Variants in INPP5F observed in about 807,000 individuals in gnomAD.
INPP5F encodes phosphatidylinositide 4-phosphatase SAC2.
INPP5F carries 97 observed loss-of-function variants against 137.2 expected under a neutral mutation model. The observed-to-expected ratio is 0.71, with a 90% CI of 0.60 to 0.84. The LOEUF is 0.84. Ranked by LOEUF, INPP5F falls within the 40% of genes least tolerant of loss-of-function variation. The pLI is 0.00. For synonymous variants in INPP5F, 504 were observed against 476.9 expected, an observed-to-expected ratio of 1.06 and a Z score of -0.74; for missense variants, 1,271 against 1,371.9, an observed-to-expected ratio of 0.93 and a Z score of 1.16.
At chr10:119,821,734 C>G (rs1273354059) in intron 16 of INPP5F, among the ~76,000 whole-genome samples, 2 of 149,604 alleles carry the variant, frequency 1.3e-5, no homozygotes, top group Admixed American at 6.6e-5. Flanking sequence ...ATCTCTGCCT[C>G]CCTCCGTCTC....
At chr10:119,793,626 G>C (rs1203904072) in intron 6 of INPP5F, 1 of 152,198 alleles carries the variant, frequency 6.6e-6, no homozygotes, top group Admixed American at 6.5e-5. Flanking sequence ...GTCTGAAAGA[G>C]ACAGAAGAAG....
intron 2 of INPP5F, among the ~76,000 whole-genome samples, chr10:119,753,997 CTGTT>C (rs1349033766): frequency 6.6e-6 from 1 of 152,148 alleles, no homozygotes; most frequent in African/African-American, 2.4e-5. Flanking sequence ...TTGGCTTTCT[CTGTT>C]TGTGTGTATG....
At chr10:119,812,412 G>A (rs1398866556) in intron 15 of INPP5F, among the ~76,000 whole-genome samples, 1 of 148,212 alleles carries the variant, frequency 6.7e-6, no homozygotes, top group Non-Finnish European at 1.5e-5. Context: ...CCGGTTTCAA[G>A]TGGTTCTTCA....
intron 19 of INPP5F, among the ~76,000 whole-genome samples, chr10:119,824,787 A>G (rs938671547): frequency 1.3e-5 from 2 of 152,068 alleles, no homozygotes; most frequent in African/African-American, 4.8e-5. Flanking sequence ...CATTCCTTCT[A>G]CACTTGTTAA....
At chr10:119,737,911 T>G (rs1848261395) in intron 1 of INPP5F, among the ~76,000 whole-genome samples, 1 of 152,236 alleles carries the variant, frequency 6.6e-6, no homozygotes, top group African/African-American at 2.4e-5. Flanking sequence ...TTTTTTTTCT[T>G]TTAAGACACA....
chr10:119,790,344 T>G (rs946255615), intron 3 of INPP5F, among the ~76,000 whole-genome samples: 3 of 152,090 alleles, frequency 2.0e-5, no homozygotes, highest in African/African-American at 7.2e-5. Context: ...GTAATAGGAG[T>G]ATAAAGCTTT....
chr10:119,788,287 G>C (rs190351943), intron 3 of INPP5F, among the ~76,000 whole-genome samples: 1 of 152,264 alleles, frequency 6.6e-6, no homozygotes, highest in East Asian at 1.9e-4. Context: ...AAAGAGTGGA[G>C]TTAGCAAAGG....
At chr10:119,755,642 C>G (rs1371650036) in intron 2 of INPP5F, among the ~76,000 whole-genome samples, 1 of 152,186 alleles carries the variant, frequency 6.6e-6, no homozygotes, top group Non-Finnish European at 1.5e-5. Flanking sequence ...GTTTCTGTTT[C>G]CTGCTGCTTG....
intron 17 of INPP5F, 44 bp from the exon 18 acceptor site, chr10:119,823,027 T>A (rs376332589): frequency 6.4e-7 from 1 of 1,552,670 alleles, no homozygotes; most frequent in Non-Finnish European, 8.7e-7. Flanking sequence ...AAGAAAATGT[T>A]ATGTGAAACA....
rs752228854 is a variant in INPP5F, at chr10:119,792,040, C to T, written c.612+4C>T. ...CGGTCGGCCCCTCTGGCAGAAGGTACCACTCACAGCTCGTAGAGCAGGGTT... is the reference window on the plus strand; with the variant it reads ...CGGTCGGCCCCTCTGGCAGAAGGTATCACTCACAGCTCGTAGAGCAGGGTT... On this transcript the variant is annotated splice_donor_region_variant and intron_variant, in intron 5 of 19. Transcript: ENST00000650623. The T allele has an allele frequency of 9.9e-6, 16 of 1,614,060 alleles. No homozygotes were observed. The highest frequency in any genetic ancestry group is 1.3e-5 in the African/African-American group (1 of 74,922).
intron 1 of INPP5F, among the ~76,000 whole-genome samples, chr10:119,742,137 T>C (rs1007098243): frequency 4.8e-5 from 6 of 126,236 alleles, no homozygotes; most frequent in Middle Eastern, 3.8e-3. Flanking sequence ...CGACAGCTTT[T>C]TATTTGTTAT....
chr10:119,726,504 A>G (rs1454131528), intron 1 of INPP5F, 145 bp downstream of exon 1: 2 of 329,908 alleles, frequency 6.1e-6, no homozygotes, highest in Non-Finnish European at 1.0e-5. Flanking sequence ...GCGAGCTGTC[A>G]TTATTCCCTG....
chr10:119,801,215 A>G lies in INPP5F; in HGVS notation c.1116+2605A>G, dbSNP rs192430619. 4.2e-4 allele frequency among the ~76,000 whole-genome samples: 64 copies of G among 152,344 alleles called. 2 individuals are homozygous for G. The highest frequency in any genetic ancestry group is 1.5e-3 in the African/African-American group (64 of 41,588). ...GGTAGATCCACGTGTACTAATGGGA[A>G]GATCTTAAAATCACCTTGTGGGGTA... On this transcript the variant is annotated intron_variant, in intron 9 of 19. Coordinates refer to ENST00000650623, the MANE Select transcript of INPP5F (RefSeq NM_014937.4).
At chr10:119,797,821 CATTT>C (rs1404157925) in intron 8 of INPP5F, among the ~76,000 whole-genome samples, 181 bp downstream of exon 8, 29 of 152,168 alleles carry the variant, frequency 1.9e-4, no homozygotes, top group Non-Finnish European at 3.2e-4. Context: ...TTGACTAAGT[CATTT>C]ATTTAACAAT....
chr10:119,776,832 C>T (rs939799636), intron 2 of INPP5F, among the ~76,000 whole-genome samples: 1 of 152,054 alleles, frequency 6.6e-6, no homozygotes, highest in Non-Finnish European at 1.5e-5. Flanking sequence ...CTCACTGCAG[C>T]CTTGAACTCC....
chr10:119,777,725 A>G (rs1348032361), intron 2 of INPP5F, among the ~76,000 whole-genome samples: 2 of 152,290 alleles, frequency 1.3e-5, no homozygotes, highest in South Asian at 2.1e-4. Flanking sequence ...AACACCTACA[A>G]GATGCTTGGT....
chr10:119,750,307 C>T (rs1235037110), intron 1 of INPP5F, among the ~76,000 whole-genome samples: 7 of 152,192 alleles, frequency 4.6e-5, no homozygotes, highest in African/African-American at 7.2e-5. Flanking sequence ...CTTCACCTGT[C>T]GAACTACCAC....
rs537797608 is a variant in INPP5F at position 119,813,941 on chromosome 10, C to T, written c.1886+1986C>T. 2.0e-5 allele frequency among the ~76,000 whole-genome samples: 3 copies of T among 152,342 alleles called. No homozygotes were observed. In the South Asian group the frequency reaches 6.2e-4, roughly 32 times the overall value. ...GCTTCAGTTTTCTTTTCTTCATTAA[C>T]ATGATGAAATGCTTCTCTTTTTTTT... On this transcript the variant is annotated intron_variant, in intron 15 of 19. Transcript: ENST00000650623.
intron 1 of INPP5F, among the ~76,000 whole-genome samples, chr10:119,733,920 G>C (rs186303650): frequency 6.6e-6 from 1 of 152,140 alleles, no homozygotes; most frequent in African/African-American, 2.4e-5. Flanking sequence ...TGTGAAAGTT[G>C]TACTGAATGA....
Sources: gnomAD v4.1 joint callset for allele counts (sites outside exome capture counted in the v4.1 genomes callset) on GRCh38, gnomAD v4.1.1 for gene constraint, MANE v1.5 for transcripts, NCBI Gene and HGNC (gene_info 2026-07-23, HGNC 2026-07-21) for gene names.